KANSL1: variants seen among roughly 807,000 people sequenced by gnomAD.
The protein encoded by KANSL1 is MLL1/MLL complex subunit KANSL1.
Under a neutral mutation model 103.6 loss-of-function variants are expected in KANSL1, and 22 were observed. That is an observed-to-expected ratio of 0.21 (90% CI 0.15 to 0.30). KANSL1 has a LOEUF of 0.30. KANSL1 is among the 10% of genes least tolerant of loss of function. The probability of loss-of-function intolerance (pLI) is 1.00; values close to 1 mark genes in which losing one functional copy is unlikely to be tolerated. For synonymous variants in KANSL1, 600 were observed against 527.6 expected (o/e 1.14, Z -1.88); for missense variants, 1,337 against 1,399.8 (o/e 0.96, Z 0.72).
intron 2 of KANSL1, among the ~76,000 whole-genome samples, chr17:46,107,593 TC>T: frequency 6.6e-6 from 1 of 152,378 alleles, no homozygotes; most frequent in South Asian, 2.1e-4. Context: ...ATACTTCCTT[TC>T]TAGGTGATCT....
intron 2 of KANSL1, among the ~76,000 whole-genome samples, chr17:46,142,189 A>G (rs4792835): frequency 0.16 from 23,552 of 151,920 alleles, 2,666 homozygotes; most frequent in East Asian, 0.42. Flanking sequence ...CTACTATTTT[A>G]GGTTGAGAAA....
intron 3 of KANSL1, among the ~76,000 whole-genome samples, chr17:46,090,587 C>T (rs2079344568): frequency 6.6e-6 from 1 of 152,192 alleles, no homozygotes; most frequent in Admixed American, 6.5e-5. Context: ...TTCATGTAAG[C>T]AGCTGGTAGC....
At chr17:46,079,234 AG>A (rs149809379) in intron 4 of KANSL1, among the ~76,000 whole-genome samples, 1,696 of 152,342 alleles carry the variant, frequency 0.011, 29 homozygotes, top group African/African-American at 0.039. Context: ...AGAACAACTT[AG>A]TTCAATAATA....
intron 2 of KANSL1, among the ~76,000 whole-genome samples, chr17:46,140,413 A>G (rs773704515): frequency 5.9e-5 from 9 of 152,214 alleles, no homozygotes; most frequent in Non-Finnish European, 7.3e-5. Flanking sequence ...AAAGTCGATC[A>G]AAGCCCTACT....
chr17:46,060,056 G>T (rs948347446), intron 6 of KANSL1, among the ~76,000 whole-genome samples: 1 of 152,060 alleles, frequency 6.6e-6, no homozygotes, highest in Non-Finnish European at 1.5e-5. Context: ...AAATTCCCAC[G>T]TTCCCTTAAT....
At chr17:46,039,968 T>C in intron 7 of KANSL1, 84 bp from the exon 8 acceptor site, 1 of 1,301,374 alleles carries the variant, frequency 7.7e-7, no homozygotes, top group Non-Finnish European at 1.1e-6. Context: ...CCTCCTTTAA[T>C]TTGCCCAGTG....
intron 3 of KANSL1, among the ~76,000 whole-genome samples, chr17:46,083,310 C>T (rs556557092): frequency 5.3e-5 from 8 of 152,148 alleles, no homozygotes; most frequent in Non-Finnish European, 1.0e-4. Flanking sequence ...AAAAATAAGG[C>T]TATGACACTA....
At chr17:46,035,304 G>A (rs2146332027) in intron 10 of KANSL1, 1 of 152,384 alleles carries the variant, frequency 6.6e-6, no homozygotes, top group South Asian at 2.1e-4. Context: ...CAGTCCACAG[G>A]GAAGGGGTTG....
upstream of KANSL1, among the ~76,000 whole-genome samples, chr17:46,198,425 A>ATT (rs2047687295): frequency 2.4e-5 from 2 of 83,212 alleles, no homozygotes; most frequent in Non-Finnish European, 4.7e-5. Flanking sequence ...CTTTAATTAA[A>ATT]AAAAAAAAAA....
At chr17:46,162,237 G>A (rs1190250237) in intron 2 of KANSL1, among the ~76,000 whole-genome samples, 3 of 152,184 alleles carry the variant, frequency 2.0e-5, no homozygotes, top group African/African-American at 4.8e-5. Context: ...ATGACCTTAG[G>A]CATGAATTTC....
chr17:46,059,645 A>AG (rs1378276594), intron 6 of KANSL1, among the ~76,000 whole-genome samples: 9 of 14,794 alleles, frequency 6.1e-4, no homozygotes, highest in African/African-American at 9.3e-4. Context: ...AAAAAAAAAA[A>AG]AAAGAGAGAG....
chr17:46,165,183 ATC>A (rs1182863492), intron 2 of KANSL1, among the ~76,000 whole-genome samples: 2 of 152,222 alleles, frequency 1.3e-5, no homozygotes, highest in Non-Finnish European at 2.9e-5. Flanking sequence ...TGGCAACATC[ATC>A]TGTGTATTCT....
rs148641198 is a variant in KANSL1, at chr17:46,137,739, C to T, written c.1289+33116G>A. On this transcript the variant is annotated intron_variant, in intron 2 of 14. Coordinates refer to ENST00000432791, the MANE Select transcript of KANSL1 (RefSeq NM_015443.4). Reference sequence around the variant, plus strand: ...AAAATTGGCCAGGCGTGGTGGCGGGCGCCTGTAGTCCCAGCTACTCAGGAG... The same window carrying T: ...AAAATTGGCCAGGCGTGGTGGCGGGTGCCTGTAGTCCCAGCTACTCAGGAG... 1.5e-3 allele frequency among the ~76,000 whole-genome samples: 227 copies of T among 151,890 alleles called. 2 individuals are homozygous for T. The highest frequency in any genetic ancestry group is 3.4e-3 in the Middle Eastern group (1 of 294).
At chr17:46,103,972 G>A (rs186246054) in intron 2 of KANSL1, among the ~76,000 whole-genome samples, 2 of 152,310 alleles carry the variant, frequency 1.3e-5, no homozygotes, top group East Asian at 1.9e-4. Flanking sequence ...AGGTTGCAGT[G>A]AGCCAAGATC....
upstream of KANSL1, among the ~76,000 whole-genome samples, chr17:46,198,462 T>C (rs1249051674): frequency 7.2e-6 from 1 of 139,140 alleles, no homozygotes; most frequent in Admixed American, 7.5e-5. Context: ...CTGGATGTGG[T>C]GACTCACACC....
intron 1 of KANSL1, among the ~76,000 whole-genome samples, chr17:46,200,607 T>TG (rs1160642076): frequency 1.3e-5 from 2 of 152,100 alleles, no homozygotes; most frequent in East Asian, 1.9e-4. Context: ...CTGGGCATGG[T>TG]GGGGGGCACC....
chr17:46,105,788 T>C (rs1027044265), intron 2 of KANSL1, among the ~76,000 whole-genome samples: 2 of 151,860 alleles, frequency 1.3e-5, no homozygotes, highest in African/African-American at 4.8e-5. Context: ...GGAGGATCGC[T>C]TGAGCCTGGG....
At chr17:46,050,292 T>C (rs2077667270) in intron 7 of KANSL1, 1 of 537,654 alleles carries the variant, frequency 1.9e-6, no homozygotes, top group Non-Finnish European at 3.3e-6. Context: ...TGAGCCCAGA[T>C]CCCTCCTAGC....
At chr17:46,052,813 A>AAAC (rs1491589450) in intron 6 of KANSL1, among the ~76,000 whole-genome samples, 6 of 141,638 alleles carry the variant, frequency 4.2e-5, no homozygotes, top group Middle Eastern at 3.8e-3. Flanking sequence ...AAAAAAAAAA[A>AAAC]ATTTAGCCCA....
Sources: allele counts gnomAD v4.1 joint callset (sites outside exome capture counted in the v4.1 genomes callset), GRCh38; gene constraint gnomAD v4.1.1; transcripts MANE v1.5; gene names NCBI Gene and HGNC (gene_info 2026-07-23, HGNC 2026-07-21).